ZCCHC7: variants seen among roughly 807,000 people sequenced by gnomAD.
The protein encoded by ZCCHC7 is zinc finger CCHC domain-containing protein 7.
In ZCCHC7, 35 loss-of-function variants were observed where a neutral mutation model predicts 52.0. That is an observed-to-expected ratio of 0.67 (90% CI 0.51 to 0.89). The LOEUF is 0.89. Ranked by LOEUF, ZCCHC7 falls within the 40% of genes least tolerant of loss-of-function variation. The probability of loss-of-function intolerance (pLI) is 0.00; values close to 1 mark genes in which losing one functional copy is unlikely to be tolerated. For synonymous variants in ZCCHC7, 217 were observed against 221.5 expected (o/e 0.98, Z 0.18); for missense variants, 574 against 649.1 (o/e 0.88, Z 1.26).
In ZCCHC7 at chr9:37,306,762, CTTTTTTTTTTTTTTTTTTTTTT is replaced by C. The variant is rs869292704; in HGVS notation, c.951+1069_951+1090del. 2.6e-3 allele frequency among the ~76,000 whole-genome samples: 135 copies of C among 52,026 alleles called. 1 individual carries two copies. The highest frequency in any genetic ancestry group is 4.0e-3 in the South Asian group (5 of 1,246). The allele number at this position is 52,026 out of a possible 152,430, so 34.1% of individuals were successfully genotyped here. ...ACAGGCATGAGCCACTGTACCCGACCTTTTTTTTTTTTTTTTTTTTTTTTTTTTTTTTTTTTTTTTTTGGAGA... is the reference window on the plus strand; with the variant it reads ...ACAGGCATGAGCCACTGTACCCGACCTTTTTTTTTTTTTTTTTTTTGGAGA... On this transcript the variant is annotated intron_variant, in intron 5 of 8. Coordinates refer to ENST00000336755, the MANE Select transcript of ZCCHC7 (RefSeq NM_032226.3).
intron 5 of ZCCHC7, among the ~76,000 whole-genome samples, chr9:37,314,740 G>A (rs1200414353): frequency 3.2e-5 from 4 of 123,940 alleles, no homozygotes; most frequent in African/African-American, 6.8e-5. Context: ...AGCAAGACCC[G>A]ATCTCTTTTA....
chr9:37,351,361 G>A, intron 7 of ZCCHC7, among the ~76,000 whole-genome samples: 1 of 152,136 alleles, frequency 6.6e-6, no homozygotes, highest in African/African-American at 2.4e-5. Flanking sequence ...ACAGAGTGCA[G>A]TGGGCACTAT....
chr9:37,306,084 T>C (rs916872197), intron 5 of ZCCHC7, among the ~76,000 whole-genome samples: 12 of 152,270 alleles, frequency 7.9e-5, no homozygotes, highest in African/African-American at 2.9e-4. Context: ...TATTTATTTT[T>C]TGAGACATAG....
In ZCCHC7 at chr9:37,239,015, A is replaced by C. The variant is rs771790260; in HGVS notation, c.611-63173A>C. Among the ~76,000 whole-genome samples, 166 of 152,094 alleles carry C rather than the reference A, an allele frequency of 1.1e-3. 4 individuals are homozygous for C. The highest frequency in any genetic ancestry group is 2.6e-4 in the Non-Finnish European group (18 of 67,968). ...TATAGTTGTGGTTAGTTTTGTTTTT[A>C]CATTTTAAGAACAACACAATAAATT... On this transcript the variant is annotated intron_variant, in intron 2 of 8. Coordinates refer to ENST00000336755, the MANE Select transcript of ZCCHC7 (RefSeq NM_032226.3).
chr9:37,158,144 G>A (rs938483671), intron 2 of ZCCHC7, among the ~76,000 whole-genome samples: 6 of 152,204 alleles, frequency 3.9e-5, no homozygotes, highest in African/African-American at 4.8e-5. Flanking sequence ...CAAATTGAGA[G>A]CATTAGTCAT....
Position 37,356,218 on chromosome 9 carries a change from G to A in ZCCHC7, c.1199-617G>A, listed in dbSNP as rs1007810587. 5.3e-5 allele frequency among the ~76,000 whole-genome samples: 8 copies of A among 152,180 alleles called. No individual in the cohort carries two copies. In the East Asian group the frequency reaches 7.7e-4, roughly 15 times the overall value. ...CTGTAACCTCATCTCCCACCTACCC[G>A]TATCAGAATCACTATCAGAGATCCG... On this transcript the variant is annotated intron_variant, in intron 8 of 8. Coordinates refer to ENST00000336755, the MANE Select transcript of ZCCHC7 (RefSeq NM_032226.3).
chr9:37,214,747 G>A (rs956276415), intron 2 of ZCCHC7, among the ~76,000 whole-genome samples: 7 of 151,788 alleles, frequency 4.6e-5, no homozygotes, highest in Admixed American at 1.3e-4. Flanking sequence ...AATAATTGTT[G>A]GAGGAGTATG....
In ZCCHC7 at chr9:37,304,222, G is replaced by T. The variant is rs1829186994; in HGVS notation, c.689G>T (p.Trp230Leu). Reference protein sequence around the residue: ...QIANNRTPGRWTQRYYSANKN... With the variant: ...QIANNRTPGRLTQRYYSANKN... ...GCTAATAACCGAACACCTGGAAGAT[G>T]GACCCAGCGGTACTATTCAGCCAAC... Residue 230 changes from tryptophan to leucine, a missense_variant, in exon 4 of 9, where the codon TGG becomes TTG. Transcript: ENST00000336755. 1 of 1,613,138 alleles carries T rather than the reference G, an allele frequency of 6.2e-7. No homozygotes were observed. The highest frequency in any genetic ancestry group is 1.7e-5 in the Admixed American group (1 of 59,962).
chr9:37,169,444 G>A (rs2132967019), intron 2 of ZCCHC7, among the ~76,000 whole-genome samples: 1 of 152,214 alleles, frequency 6.6e-6, no homozygotes, highest in South Asian at 2.1e-4. Context: ...GACTTTGTGA[G>A]ATTTTTTTTT....
At position 37,346,846 on chromosome 9, in the gene ZCCHC7, A is replaced by T. The variant is rs139708788; in HGVS notation, c.988-2511A>T. ...TAAAAAACAATAATATAAAAATTAA[A>T]GTAGCCAGGCGTAGTGGTGCACTCC... On this transcript the variant is annotated intron_variant, in intron 6 of 8. Coordinates refer to ENST00000336755, the MANE Select transcript of ZCCHC7 (RefSeq NM_032226.3). 8.7e-4 allele frequency among the ~76,000 whole-genome samples: 132 copies of T among 152,212 alleles called. 2 individuals are homozygous for T. Among genetic ancestry groups the T allele is most frequent in the African/African-American group, 3.0e-3 (123 of 41,548 alleles).
At chr9:37,190,678 A>G (rs1480404002) in intron 2 of ZCCHC7, among the ~76,000 whole-genome samples, 1 of 152,226 alleles carries the variant, frequency 6.6e-6, no homozygotes, top group Non-Finnish European at 1.5e-5. Context: ...ACTCTAATGT[A>G]TGGGTTTCCC....
chr9:37,298,008 C>G (rs533233438), intron 2 of ZCCHC7, among the ~76,000 whole-genome samples: 1 of 152,286 alleles, frequency 6.6e-6, no homozygotes, highest in African/African-American at 2.4e-5. Context: ...AGCTAAATTA[C>G]CACTGCATCT....
At chr9:37,327,550 G>A (rs1830298140) in intron 5 of ZCCHC7, 1 of 419,290 alleles carries the variant, frequency 2.4e-6, no homozygotes, top group African/African-American at 2.0e-5. Flanking sequence ...CCCAAAACTT[G>A]TAACCTGAAA....
intron 2 of ZCCHC7, among the ~76,000 whole-genome samples, chr9:37,189,299 T>C (rs1822890973): frequency 6.6e-6 from 1 of 152,078 alleles, no homozygotes; most frequent in Non-Finnish European, 1.5e-5. Flanking sequence ...ATTCTTCATT[T>C]GTCAAATTAT....
intron 2 of ZCCHC7, among the ~76,000 whole-genome samples, chr9:37,161,690 C>T (rs957859345): frequency 2.6e-4 from 40 of 152,126 alleles, no homozygotes; most frequent in African/African-American, 9.7e-4. Flanking sequence ...GATATGTCAA[C>T]GTATGTTCAC....
intron 6 of ZCCHC7, among the ~76,000 whole-genome samples, chr9:37,344,056 T>TA (rs1411593551): frequency 6.6e-6 from 1 of 152,180 alleles, no homozygotes; most frequent in East Asian, 1.9e-4. Context: ...TTCAGTTCTG[T>TA]AATCCTAGTG....
At chr9:37,161,052 C>G (rs973763254) in intron 2 of ZCCHC7, among the ~76,000 whole-genome samples, 1 of 151,454 alleles carries the variant, frequency 6.6e-6, no homozygotes, top group African/African-American at 2.4e-5. Context: ...TGGGTTCAAG[C>G]AGTTCTCTTA....
At chr9:37,301,602 A>G (rs1243190007) in intron 2 of ZCCHC7, among the ~76,000 whole-genome samples, 5 of 152,152 alleles carry the variant, frequency 3.3e-5, no homozygotes, top group African/African-American at 1.2e-4. Context: ...CCTGTCTCCA[A>G]AAAAAACAAG....
chr9:37,309,232 C>T (rs1829481622), intron 5 of ZCCHC7, among the ~76,000 whole-genome samples: 1 of 152,150 alleles, frequency 6.6e-6, no homozygotes. Context: ...TGTGGCAAGG[C>T]TCATAGTCCT....
Sources: gnomAD v4.1 joint callset for allele counts (sites outside exome capture counted in the v4.1 genomes callset) on GRCh38, gnomAD v4.1.1 for gene constraint, MANE v1.5 for transcripts, NCBI Gene and HGNC (gene_info 2026-07-23, HGNC 2026-07-21) for gene names.